SLC9C1: variants seen among roughly 807,000 people sequenced by gnomAD.
The protein encoded by SLC9C1 is solute carrier family 9 member C1, also known as sodium/hydrogen exchanger 10.
Under a neutral mutation model 140.9 loss-of-function variants are expected in SLC9C1, and 97 were observed. The ratio of observed to expected loss-of-function variants is 0.69; its 90% CI spans 0.58 to 0.82. The LOEUF is 0.82. Among genes scored for constraint, SLC9C1 ranks in the 40% least tolerant of loss-of-function variants. The probability of loss-of-function intolerance (pLI) is 0.00; values close to 1 mark genes in which losing one functional copy is unlikely to be tolerated. For missense variants in SLC9C1, 1,340 were observed against 1,389.3 expected, an observed-to-expected ratio of 0.96 and a Z score of 0.56; for synonymous variants, 440 against 442.6, an observed-to-expected ratio of 0.99 and a Z score of 0.07.
chr3:112,247,921 CTGT>C (rs1478621348), intron 10 of SLC9C1, among the ~76,000 whole-genome samples: 1 of 100,590 alleles, frequency 9.9e-6, no homozygotes, highest in Non-Finnish European at 2.3e-5. Flanking sequence ...CTGAAATATA[CTGT>C]TGATATTACT....
intron 9 of SLC9C1, among the ~76,000 whole-genome samples, chr3:112,263,829 T>C (rs1431327214): frequency 6.6e-6 from 1 of 151,844 alleles, no homozygotes; most frequent in East Asian, 1.9e-4. Context: ...GGCTTCCCTA[T>C]GATATTTAAA....
chr3:112,148,552 T>A (rs960475353), intron 28 of SLC9C1, among the ~76,000 whole-genome samples: 4 of 152,224 alleles, frequency 2.6e-5, no homozygotes, highest in African/African-American at 7.2e-5. Flanking sequence ...TGTAGCTCTA[T>A]GTCTTAATAA....
chr3:112,211,447 C>G (rs2078201772), intron 15 of SLC9C1, among the ~76,000 whole-genome samples: 1 of 152,222 alleles, frequency 6.6e-6, no homozygotes, highest in Non-Finnish European at 1.5e-5. Flanking sequence ...CGGGGGATTC[C>G]CTTTCCTAGC....
chr3:112,171,637 A>G (rs964609475), intron 23 of SLC9C1, among the ~76,000 whole-genome samples: 5 of 152,180 alleles, frequency 3.3e-5, no homozygotes, highest in African/African-American at 9.6e-5. Context: ...GTGACATCCA[A>G]TTTATCAATA....
At chr3:112,145,235 T>G (rs2074751323) in intron 28 of SLC9C1, among the ~76,000 whole-genome samples, 1 of 150,580 alleles carries the variant, frequency 6.6e-6, no homozygotes. Context: ...TGTTTTTGAT[T>G]CTGTTTATGT....
At chr3:112,180,718 A>C in intron 21 of SLC9C1, 56 bp from the exon 22 acceptor site, 1 of 1,433,598 alleles carries the variant, frequency 7.0e-7, no homozygotes, top group Non-Finnish European at 9.7e-7. Context: ...AGTGGTTGGG[A>C]ATGTTAAAAT....
intron 8 of SLC9C1, among the ~76,000 whole-genome samples, chr3:112,265,259 A>G (rs1424745936): frequency 6.6e-6 from 1 of 152,096 alleles, no homozygotes; most frequent in Non-Finnish European, 1.5e-5. Flanking sequence ...AAGATAAGTA[A>G]TATATTTGAA....
intron 28 of SLC9C1, among the ~76,000 whole-genome samples, chr3:112,146,164 C>T (rs144907609): frequency 6.0e-4 from 91 of 151,670 alleles, no homozygotes; most frequent in Middle Eastern, 3.4e-3. Flanking sequence ...TTGGTTATAA[C>T]GTCACCTTTG....
Position 112,183,321 on chromosome 3 carries a change from C to G in SLC9C1, c.2524-1063G>C, listed in dbSNP as rs545667453. ...CATTTGGGTTTTAATTTGCATCAAG[C>G]TTACGACAATGATATTTAGCACCTT... On this transcript the variant is annotated intron_variant, in intron 20 of 28. Transcript: ENST00000305815. 3.4e-5 allele frequency among the ~76,000 whole-genome samples: 4 copies of G among 117,764 alleles called. No individual in the cohort carries two copies. The South Asian group carries it at 1.0e-3, about 30-fold the overall frequency. The allele number at this position is 117,764 out of a possible 152,430, so 77.3% of individuals were successfully genotyped here.
chr3:112,199,613 A>G, intron 19 of SLC9C1, 144 bp from the exon 20 acceptor site: 1 of 547,302 alleles, frequency 1.8e-6, no homozygotes, highest in East Asian at 3.4e-5. Context: ...AGGGGCCACT[A>G]TGATCAATCA....
intron 12 of SLC9C1, among the ~76,000 whole-genome samples, chr3:112,237,148 C>A (rs558119009): frequency 6.6e-6 from 1 of 152,064 alleles, no homozygotes; most frequent in African/African-American, 2.4e-5. Context: ...TCTAGGTGCT[C>A]CTGTATTGGG....
At chr3:112,238,203 C>A (rs2079044281) in intron 12 of SLC9C1, among the ~76,000 whole-genome samples, 1 of 152,134 alleles carries the variant, frequency 6.6e-6, no homozygotes, top group Non-Finnish European at 1.5e-5. Context: ...TCATTTCATT[C>A]ATTTGATCTT....
chr3:112,166,208 T>C (rs894496058), intron 26 of SLC9C1, among the ~76,000 whole-genome samples: 2 of 152,240 alleles, frequency 1.3e-5, no homozygotes, highest in Admixed American at 6.5e-5. Flanking sequence ...CCCTAACCCC[T>C]TGTGCTTCCC....
chr3:112,167,044 T>G (rs2077153296), intron 26 of SLC9C1, among the ~76,000 whole-genome samples, 177 bp downstream of exon 26: 1 of 152,190 alleles, frequency 6.6e-6, no homozygotes, highest in Admixed American at 6.5e-5. Context: ...TATAATAATT[T>G]AAAAATGTAA....
At chr3:112,177,713 T>A (rs1359528157) in intron 23 of SLC9C1, among the ~76,000 whole-genome samples, 2 of 143,954 alleles carry the variant, frequency 1.4e-5, no homozygotes, top group East Asian at 4.0e-4. Flanking sequence ...ATGAAAAAAA[T>A]TTTTTTTCAA....
intron 20 of SLC9C1, among the ~76,000 whole-genome samples, chr3:112,188,878 C>T (rs1450516619): frequency 6.6e-6 from 1 of 152,224 alleles, no homozygotes; most frequent in Non-Finnish European, 1.5e-5. Context: ...TATTTCTCCA[C>T]ATCCTCTCCA....
At chr3:112,239,260 C>T (rs528748609) in intron 12 of SLC9C1, among the ~76,000 whole-genome samples, 12 of 152,310 alleles carry the variant, frequency 7.9e-5, no homozygotes, top group African/African-American at 2.2e-4. Context: ...GAGCCAGGTG[C>T]GGGATATAAT....
intron 12 of SLC9C1, among the ~76,000 whole-genome samples, chr3:112,234,763 A>G (rs1003848563): frequency 6.6e-5 from 10 of 152,050 alleles, no homozygotes; most frequent in Admixed American, 2.6e-4. Context: ...GTTTTTGTCA[A>G]GTTTGTCAAA....
intron 28 of SLC9C1, among the ~76,000 whole-genome samples, chr3:112,147,013 G>A (rs575094265): frequency 6.6e-5 from 10 of 152,250 alleles, no homozygotes; most frequent in African/African-American, 1.9e-4. Flanking sequence ...GGATGATTAA[G>A]TCTTCTTTTT....
Sources: gnomAD v4.1 joint callset for allele counts (sites outside exome capture counted in the v4.1 genomes callset) on GRCh38, gnomAD v4.1.1 for gene constraint, MANE v1.5 for transcripts, NCBI Gene and HGNC (gene_info 2026-07-23, HGNC 2026-07-21) for gene names.